Variants in PRKX observed in about 807,000 individuals in gnomAD.
PRKX encodes the protein cAMP-dependent protein kinase catalytic subunit PRKX.
A neutral mutation model predicts 22.0 loss-of-function variants in PRKX; 12 were observed. The observed-to-expected ratio is 0.54, with a 90% CI of 0.35 to 0.88. The LOEUF (loss-of-function observed/expected upper bound fraction) is 0.88. Among genes scored for constraint, PRKX ranks in the 40% least tolerant of loss-of-function variants. The pLI is 0.01. For synonymous variants in PRKX, 134 were observed against 137.7 expected (o/e 0.97, Z 0.19); for missense variants, 217 against 308.0 (o/e 0.70, Z 2.21).
At chrX:3,711,645 A>G (rs1037176722) in intron 1 of PRKX, among the ~76,000 whole-genome samples, 4 of 111,661 alleles carry the variant, frequency 3.6e-5, no homozygotes, top group Admixed American at 9.5e-5. Context: ...CGGCTGCGCC[A>G]GTCAGGGTTC....
At chrX:3,690,373 AGAT>A (rs989487922) in intron 1 of PRKX, among the ~76,000 whole-genome samples, 1 of 112,356 alleles carries the variant, frequency 8.9e-6, no homozygotes, top group Admixed American at 9.5e-5. Context: ...CTAATTTAAA[AGAT>A]GCAGATGTTT....
At chrX:3,615,153 G>A (rs1430721438) in intron 7 of PRKX, among the ~76,000 whole-genome samples, 3 of 107,773 alleles carry the variant, frequency 2.8e-5, no homozygotes, top group Non-Finnish European at 5.7e-5. Context: ...CAAGTAGCTG[G>A]TACCACAAGC....
intron 1 of PRKX, among the ~76,000 whole-genome samples, chrX:3,703,843 T>A (rs1433602266): frequency 9.2e-6 from 1 of 108,806 alleles, no homozygotes; most frequent in Non-Finnish European, 1.9e-5. Context: ...AGCTAATTTT[T>A]GTATTTTTGG....
At chrX:3,660,492 AAC>A (rs1052930468) in intron 2 of PRKX, among the ~76,000 whole-genome samples, 1 of 111,425 alleles carries the variant, frequency 9.0e-6, no homozygotes, top group African/African-American at 3.3e-5. Flanking sequence ...CACACATACA[AAC>A]ACACTCTCTC....
intron 2 of PRKX, among the ~76,000 whole-genome samples, chrX:3,659,746 G>T (rs1249413085): frequency 1.2e-5 from 1 of 80,623 alleles, no homozygotes; most frequent in Admixed American, 1.4e-4. Context: ...TTTTTTTTGA[G>T]ACAGTCTTGC....
Position 3,673,929 on chromosome X carries a change from G to A in PRKX, c.335+669C>T, listed in dbSNP as rs184209243. Among the ~76,000 whole-genome samples the A allele has an allele frequency of 7.4e-4, 82 of 111,113 alleles. No homozygotes were observed. In the East Asian group the frequency reaches 0.019, roughly 26 times the overall value. ...CCATGTGAGGACACAGTGAAAAGGC[G>A]CCATCTATGAACCAGGAAGCGGGTC... On this transcript the variant is annotated intron_variant, in intron 2 of 8. Transcript: ENST00000262848.
At chrX:3,697,342 G>C (rs1928464078) in intron 1 of PRKX, among the ~76,000 whole-genome samples, 1 of 111,195 alleles carries the variant, frequency 9.0e-6, no homozygotes. Context: ...CTCCAGCCTG[G>C]GTGACAAAGC....
intron 1 of PRKX, among the ~76,000 whole-genome samples, chrX:3,693,548 A>G (rs919439338): frequency 5.4e-5 from 6 of 110,832 alleles, no homozygotes; most frequent in Non-Finnish European, 7.6e-5. Flanking sequence ...CAGGGGATGT[A>G]TTGAGATTGA....
chrX:3,640,556 C>G (rs1005754527), intron 4 of PRKX, among the ~76,000 whole-genome samples: 60 of 111,745 alleles, frequency 5.4e-4, no homozygotes, highest in African/African-American at 1.6e-3. Context: ...TGCTGACGTC[C>G]CAACAAATGA....
Position 3,655,393 on chromosome X carries a change from C to T in PRKX, c.355G>A (p.Glu119Lys), listed in dbSNP as rs200883737. The part of the protein sequence containing the change: ...LIRLFWTWHD[E>K]RFLYMLMEYV... Reference sequence around the variant, plus strand: ...TCCATGAGCATGTAGAGGAAGCGCTCGTCATGCCACGTCCAGAACCTGCGG... The same window carrying T: ...TCCATGAGCATGTAGAGGAAGCGCTTGTCATGCCACGTCCAGAACCTGCGG... Residue 119 changes from glutamate (E) to lysine (K), a missense_variant, in exon 3 of 9, where the codon GAG becomes AAG. Glu to Lys is a moderately conservative substitution (Grantham distance 56). Transcript: ENST00000262848. 251 of 1,210,875 alleles carry T rather than the reference C, an allele frequency of 2.1e-4. No homozygotes were observed. The highest frequency in any genetic ancestry group is 2.3e-4 in the Middle Eastern group (1 of 4,355).
rs774998172 is a variant in PRKX, at chrX:3,661,581, G to A, written c.336-6169C>T. On this transcript the variant is annotated intron_variant, in intron 2 of 8. Coordinates refer to ENST00000262848, the MANE Select transcript of PRKX (RefSeq NM_005044.5). The stretch of plus-strand genomic sequence containing the variant: ...TCTGCACTCCAGCCTCAGTGACAGA[G>A]CCAGACCCTATCTGGAAAAAAAAAA... Among the ~76,000 whole-genome samples, 8 of 101,307 alleles carry A rather than the reference G, an allele frequency of 7.9e-5. No homozygotes were observed. In the East Asian group the frequency reaches 2.0e-3, roughly 26 times the overall value. The allele number at this position is 101,307 out of a possible 115,157, so 88.0% of individuals were successfully genotyped here. A position where few individuals can be genotyped will look rare whatever the true frequency, so the allele number is the denominator to read the frequency against.
At chrX:3,685,713 C>A (rs963195793) in intron 1 of PRKX, among the ~76,000 whole-genome samples, 20 of 109,124 alleles carry the variant, frequency 1.8e-4, no homozygotes, top group Admixed American at 1.3e-3. Flanking sequence ...TGACCCGCCT[C>A]CCCCAAGATA....
chrX:3,633,891 A>C (rs1926835326), intron 4 of PRKX, among the ~76,000 whole-genome samples: 1 of 111,802 alleles, frequency 8.9e-6, no homozygotes, highest in South Asian at 3.7e-4. Context: ...CTAGAATTTC[A>C]CTAGAATTTC....
At chrX:3,656,021 T>C (rs754984201) in intron 2 of PRKX, among the ~76,000 whole-genome samples, 14 of 111,267 alleles carry the variant, frequency 1.3e-4, no homozygotes, top group African/African-American at 3.9e-4. Flanking sequence ...TGTTAATGTA[T>C]GGGCATAGAC....
At chrX:3,642,651 T>C (rs1927103477) in intron 3 of PRKX, among the ~76,000 whole-genome samples, 1 of 109,552 alleles carries the variant, frequency 9.1e-6, no homozygotes, top group Non-Finnish European at 1.9e-5. Context: ...TAAAATTAAG[T>C]AAAAAGAAAA....
intron 3 of PRKX, among the ~76,000 whole-genome samples, chrX:3,643,555 T>C (rs6641817): frequency 0.39 from 42,197 of 109,224 alleles, 6,317 homozygotes; most frequent in African/African-American, 0.5. Context: ...TTCAGACCTG[T>C]AGCACAAATG....
chrX:3,634,648 A>G (rs950974890), intron 4 of PRKX, among the ~76,000 whole-genome samples: 2 of 111,580 alleles, frequency 1.8e-5, no homozygotes, highest in African/African-American at 6.5e-5. Context: ...GCTGGACACT[A>G]AAGAGATTCA....
intron 6 of PRKX, among the ~76,000 whole-genome samples, chrX:3,617,232 A>T (rs1193675827): frequency 9.1e-6 from 1 of 109,375 alleles, no homozygotes; most frequent in Non-Finnish European, 1.9e-5. Context: ...CACATGTATT[A>T]TATATATATA....
chrX:3,641,092 C>A (rs1927069324), intron 4 of PRKX, among the ~76,000 whole-genome samples: 1 of 111,718 alleles, frequency 9.0e-6, no homozygotes, highest in Admixed American at 9.5e-5. Context: ...ATCGAAATAG[C>A]CAAACAGCAG....
Sources: allele counts gnomAD v4.1 joint callset (sites outside exome capture counted in the v4.1 genomes callset), GRCh38; gene constraint gnomAD v4.1.1; transcripts MANE v1.5; gene names NCBI Gene and HGNC (gene_info 2026-07-23, HGNC 2026-07-21).